The following JMJD1C variants were observed in gnomAD, a reference collection of about 807,000 sequenced individuals.
JMJD1C encodes jumonji domain-containing protein 1C.
Under a neutral mutation model 245.3 loss-of-function variants are expected in JMJD1C, and 31 were observed. The observed-to-expected ratio is 0.13, with a 90% confidence interval of 0.09 to 0.17. The LOEUF (loss-of-function observed/expected upper bound fraction) is 0.17, where lower values mean the gene tolerates loss of function less well. JMJD1C is among the 10% of genes least tolerant of loss of function. The pLI is 1.00. For synonymous variants in JMJD1C, 1,057 were observed against 1,017.4 expected (o/e 1.04, Z -0.74); for missense variants, 2,691 against 3,000.2 (o/e 0.90, Z 2.41).
chr10:63,516,339 T>G (rs984689051), intron 1 of JMJD1C, among the ~76,000 whole-genome samples: 2 of 152,098 alleles, frequency 1.3e-5, no homozygotes, highest in Non-Finnish European at 2.9e-5. Flanking sequence ...CCTTTTAAAT[T>G]TATTCCACGT....
intron 2 of JMJD1C, among the ~76,000 whole-genome samples, chr10:63,370,337 C>CAA (rs1461186861): frequency 1.3e-5 from 2 of 152,186 alleles, no homozygotes; most frequent in Non-Finnish European, 2.9e-5. Flanking sequence ...AGGTTTCTCT[C>CAA]AAAGTGTACA....
intron 2 of JMJD1C, among the ~76,000 whole-genome samples, chr10:63,367,087 T>C (rs372664529): frequency 5.3e-4 from 81 of 152,260 alleles, no homozygotes; most frequent in African/African-American, 1.9e-3. Context: ...CTTTAAACAG[T>C]TATTGAGAAA....
chr10:63,305,490 C>CTCTCTT (rs1938013240), intron 2 of JMJD1C, among the ~76,000 whole-genome samples: 1 of 142,610 alleles, frequency 7.0e-6, no homozygotes, highest in South Asian at 2.3e-4. Flanking sequence ...CTCTCTCTCT[C>CTCTCTT]TCTCTGGAGG....
At chr10:63,233,524 A>G (rs1020213947) in intron 3 of JMJD1C, among the ~76,000 whole-genome samples, 2 of 152,168 alleles carry the variant, frequency 1.3e-5, no homozygotes, top group African/African-American at 2.4e-5. Context: ...GTATTTTAAT[A>G]TAATTGTTTT....
intron 22 of JMJD1C, among the ~76,000 whole-genome samples, chr10:63,181,335 G>C (rs1843451332): frequency 6.6e-6 from 1 of 152,136 alleles, no homozygotes; most frequent in African/African-American, 2.4e-5. Context: ...ACATGAGGCG[G>C]GGGAGGCATC....
intron 1 of JMJD1C, among the ~76,000 whole-genome samples, chr10:63,405,557 G>C (rs1949119055): frequency 6.6e-6 from 1 of 152,018 alleles, no homozygotes; most frequent in Admixed American, 6.6e-5. Flanking sequence ...TTCTGGGCTT[G>C]AGTGATCCAC....
intron 1 of JMJD1C, among the ~76,000 whole-genome samples, chr10:63,457,188 AATGGAG>A (rs1262667577): frequency 6.6e-6 from 1 of 152,204 alleles, no homozygotes; most frequent in African/African-American, 2.4e-5. Flanking sequence ...AATTGAAAAG[AATGGAG>A]ACGGGAAAGC....
At chr10:63,382,989 A>C (rs1357312673) in intron 1 of JMJD1C, among the ~76,000 whole-genome samples, 1 of 152,200 alleles carries the variant, frequency 6.6e-6, no homozygotes, top group Non-Finnish European at 1.5e-5. Flanking sequence ...TTTTAAGTGT[A>C]ATAAAAGTAT....
At chr10:63,419,899 A>T (rs984513382) in intron 1 of JMJD1C, among the ~76,000 whole-genome samples, 6 of 151,042 alleles carry the variant, frequency 4.0e-5, no homozygotes, top group Non-Finnish European at 7.4e-5. Flanking sequence ...GCACTTTGAG[A>T]GGCCAAGGTG....
intron 2 of JMJD1C, among the ~76,000 whole-genome samples, chr10:63,307,995 C>CA (rs200356118): frequency 1.0e-4 from 15 of 150,660 alleles, no homozygotes; most frequent in East Asian, 1.9e-4. Context: ...AATAAAAATA[C>CA]AAAAAAAAAT....
At chr10:63,204,215 T>G in intron 10 of JMJD1C, 1 of 985,244 alleles carries the variant, frequency 1.0e-6, no homozygotes, top group Non-Finnish European at 1.2e-6. Context: ...ACATCTAATA[T>G]TGACTTAATA....
At chr10:63,311,934 C>T (rs1939260833) in intron 2 of JMJD1C, among the ~76,000 whole-genome samples, 1 of 152,090 alleles carries the variant, frequency 6.6e-6, no homozygotes, top group African/African-American at 2.4e-5. Context: ...TATATGCTTT[C>T]ACTTAATTGT....
chr10:63,349,990 A>T (rs1040756980), intron 2 of JMJD1C, among the ~76,000 whole-genome samples: 1 of 152,202 alleles, frequency 6.6e-6, no homozygotes, highest in Non-Finnish European at 1.5e-5. Flanking sequence ...TAAAAAGTAA[A>T]GCACTTATTA....
chr10:63,418,963 G>C (rs1480318437), intron 1 of JMJD1C, among the ~76,000 whole-genome samples: 1 of 151,572 alleles, frequency 6.6e-6, no homozygotes, highest in Non-Finnish European at 1.5e-5. Context: ...TGTAGCCCCA[G>C]CTACTCAGAA....
At chr10:63,423,423 T>C (rs906789261) in intron 1 of JMJD1C, among the ~76,000 whole-genome samples, 6 of 152,244 alleles carry the variant, frequency 3.9e-5, no homozygotes, top group African/African-American at 1.4e-4. Flanking sequence ...CTTTTGTGTC[T>C]GGCTTACTTC....
intron 1 of JMJD1C, among the ~76,000 whole-genome samples, chr10:63,508,360 C>T (rs1282187758): frequency 6.6e-6 from 1 of 152,186 alleles, no homozygotes; most frequent in Non-Finnish European, 1.5e-5. Context: ...TTCACTAGTG[C>T]CATACTGTCT....
chr10:63,454,924 T>C (rs772463235), intron 1 of JMJD1C, among the ~76,000 whole-genome samples: 1 of 152,222 alleles, frequency 6.6e-6, no homozygotes, highest in Non-Finnish European at 1.5e-5. Context: ...TCAGTTCTTC[T>C]TGGCAAAAAT....
chr10:63,322,124 G>A (rs1940943410), intron 2 of JMJD1C, among the ~76,000 whole-genome samples: 1 of 152,134 alleles, frequency 6.6e-6, no homozygotes, highest in Admixed American at 6.6e-5. Context: ...GTATTTTCCT[G>A]GCTATTCTTT....
chr10:63,178,592 T>C (rs1449568562), intron 22 of JMJD1C, among the ~76,000 whole-genome samples: 1 of 152,210 alleles, frequency 6.6e-6, no homozygotes, highest in Non-Finnish European at 1.5e-5. Context: ...GTTTTACTCA[T>C]TACCATGACT....
Sources: gnomAD v4.1 joint callset for allele counts (sites outside exome capture counted in the v4.1 genomes callset) on GRCh38, gnomAD v4.1.1 for gene constraint, MANE v1.5 for transcripts, NCBI Gene and HGNC (gene_info 2026-07-23, HGNC 2026-07-21) for gene names.